Variants in KCNMA1 observed in about 807,000 individuals in gnomAD.
KCNMA1 encodes the protein potassium calcium-activated channel subfamily M alpha 1, also known as Calcium-activated potassium channel subunit alpha-1.
In KCNMA1, 29 loss-of-function variants were observed where a neutral mutation model predicts 140.0. That is an observed-to-expected ratio of 0.21 (90% CI 0.15 to 0.28). The LOEUF (loss-of-function observed/expected upper bound fraction) is 0.28, where lower values mean the gene tolerates loss of function less well. Among genes scored for constraint, KCNMA1 ranks in the 10% least tolerant of loss-of-function variants. KCNMA1 has a pLI of 1.00. For missense variants in KCNMA1, 880 were observed against 1,602.2 expected (o/e 0.55, Z 7.70); for synonymous variants, 612 against 611.9 (o/e 1.00, Z 0.00).
At position 76,900,697 on chromosome 10, in the gene KCNMA1, T is replaced by C. The variant is rs80008642; in HGVS notation, c.3148-8978A>G. ...TCACTATATAAAATATGTATTTACA[T>C]CATTATATACAGATTAAAAACTGAT... On this transcript the variant is annotated intron_variant, in intron 25 of 27. Transcript: ENST00000286628. Among the ~76,000 whole-genome samples, 1,287 of 152,172 alleles carry C rather than the reference T, an allele frequency of 8.5e-3. 26 individuals carry two copies. Among genetic ancestry groups the C allele is most frequent in the African/African-American group, 0.03 (1,240 of 41,528 alleles).
chr10:77,404,150 AG>A, intron 1 of KCNMA1, 127 bp from the exon 2 acceptor site: 1 of 808,210 alleles, frequency 1.2e-6, no homozygotes, highest in South Asian at 1.5e-5. Flanking sequence ...AAGGTATAGG[AG>A]TAAAGCAGAA....
At chr10:77,041,752 G>T (rs1594554619) in intron 14 of KCNMA1, among the ~76,000 whole-genome samples, 2 of 152,180 alleles carry the variant, frequency 1.3e-5, no homozygotes, top group South Asian at 4.1e-4. Flanking sequence ...TTCCAGTGGG[G>T]GCATGGGTAA....
downstream of KCNMA1, among the ~76,000 whole-genome samples, chr10:76,881,073 A>C (rs565391949): frequency 6.6e-6 from 1 of 150,436 alleles, no homozygotes; most frequent in Admixed American, 6.6e-5. Flanking sequence ...ACAAGATAAA[A>C]CTCTGGAAAA....
chr10:77,536,102 G>A lies in KCNMA1; in HGVS notation c.378+101163C>T, dbSNP rs761678425. 6.7e-4 allele frequency among the ~76,000 whole-genome samples: 102 copies of A among 152,234 alleles called. 1 individual carries two copies. Among genetic ancestry groups the A allele is most frequent in the Admixed American group, 5.2e-3 (80 of 15,288 alleles). ...GAGGTGATGGTATCCCAGGTGCCCAGAGTTGATCATTACACATTGTGTGCT... is the reference window on the plus strand; with the variant it reads ...GAGGTGATGGTATCCCAGGTGCCCAAAGTTGATCATTACACATTGTGTGCT... On this transcript the variant is annotated intron_variant, in intron 1 of 27. Transcript: ENST00000286628.
At chr10:76,970,888 A>G (rs1328063469) in intron 19 of KCNMA1, 1 of 152,512 alleles carries the variant, frequency 6.6e-6, no homozygotes, top group Non-Finnish European at 1.5e-5. Flanking sequence ...CCAAATGTCT[A>G]AACCACACAG....
At chr10:76,941,382 A>G (rs2062337796) in intron 23 of KCNMA1, among the ~76,000 whole-genome samples, 1 of 152,178 alleles carries the variant, frequency 6.6e-6, no homozygotes, top group Non-Finnish European at 1.5e-5. Context: ...AAGCAGGGAA[A>G]CTCAGCTCAC....
chr10:77,348,585 C>T (rs1262122748), intron 2 of KCNMA1, among the ~76,000 whole-genome samples: 1 of 152,214 alleles, frequency 6.6e-6, no homozygotes, highest in Non-Finnish European at 1.5e-5. Context: ...ACAACTGTGA[C>T]ATTAGCTTGG....
Position 77,637,653 on chromosome 10 carries a change from G to C in KCNMA1, c.-11C>G, listed in dbSNP as rs981870645. On this transcript the variant is annotated 5_prime_UTR_variant, in exon 1 of 28. Coordinates refer to ENST00000286628, the MANE Select transcript of KCNMA1 (RefSeq NM_001161352.2). ...GCCACCATTTGCCATAGCTAGCAAC[G>C]GGCAGCCGGCGCAGGGGCTCGGGGG... The C allele has an allele frequency of 1.9e-5, 29 of 1,501,640 alleles. No homozygotes were observed. The highest frequency in any genetic ancestry group is 5.0e-5 in the East Asian group (2 of 40,010). 93.0% of individuals were successfully genotyped at this position (1,501,640 alleles called of 1,614,324 possible). A position where few individuals can be genotyped will look rare whatever the true frequency, so the allele number is the denominator to read the frequency against.
intron 1 of KCNMA1, among the ~76,000 whole-genome samples, chr10:77,564,644 A>C (rs1389834006): frequency 2.6e-5 from 4 of 152,184 alleles, no homozygotes; most frequent in African/African-American, 7.2e-5. Flanking sequence ...TCCCAAGACC[A>C]AGCGCTCTTT....
chr10:77,283,046 C>T (rs922630568), intron 2 of KCNMA1, among the ~76,000 whole-genome samples: 2 of 152,322 alleles, frequency 1.3e-5, no homozygotes, highest in African/African-American at 4.8e-5. Flanking sequence ...GTGGTGCCAA[C>T]ATAAGCTTTG....
intron 2 of KCNMA1, among the ~76,000 whole-genome samples, chr10:77,390,032 C>T (rs1275468302): frequency 1.3e-5 from 2 of 152,200 alleles, no homozygotes; most frequent in African/African-American, 4.8e-5. Flanking sequence ...GTGCCTAGCA[C>T]AGGGCCAAGG....
chr10:76,887,996 T>C (rs1156770908), intron 27 of KCNMA1: 2 of 175,166 alleles, frequency 1.1e-5, no homozygotes, highest in African/African-American at 4.8e-5. Flanking sequence ...ATTTGGAATT[T>C]GGAATTCACC....
intron 1 of KCNMA1, among the ~76,000 whole-genome samples, chr10:77,496,522 G>T (rs35727882): frequency 2.7e-5 from 4 of 150,350 alleles, no homozygotes; most frequent in Admixed American, 6.6e-5. Flanking sequence ...GCGTGAACCC[G>T]GGAGGCAAAG....
intron 1 of KCNMA1, among the ~76,000 whole-genome samples, chr10:77,500,303 A>G (rs1010473539): frequency 6.6e-6 from 1 of 151,774 alleles, no homozygotes; most frequent in Admixed American, 6.6e-5. Flanking sequence ...TATAAGAAAT[A>G]TACCCTAAAC....
intron 14 of KCNMA1, among the ~76,000 whole-genome samples, chr10:77,071,000 T>C (rs544766407): frequency 6.6e-6 from 1 of 152,304 alleles, no homozygotes; most frequent in African/African-American, 2.4e-5. Context: ...CAGGCGGGAA[T>C]TGGCCTTATA....
At chr10:77,345,983 A>G (rs1406839638) in intron 2 of KCNMA1, among the ~76,000 whole-genome samples, 1 of 152,220 alleles carries the variant, frequency 6.6e-6, no homozygotes, top group African/African-American at 2.4e-5. Flanking sequence ...ACACATTCAT[A>G]TACTGACTGA....
intron 14 of KCNMA1, among the ~76,000 whole-genome samples, chr10:77,051,685 C>A (rs765124885): frequency 1.3e-5 from 2 of 152,138 alleles, no homozygotes; most frequent in Non-Finnish European, 2.9e-5. Context: ...CTGAGTACAG[C>A]AGGGAAGTGC....
intron 1 of KCNMA1, among the ~76,000 whole-genome samples, chr10:77,467,049 C>A (rs1416850479): frequency 6.6e-6 from 1 of 152,194 alleles, no homozygotes; most frequent in South Asian, 2.1e-4. Context: ...AACGCAGAGC[C>A]TAGCCTGTGA....
chr10:77,542,958 G>A (rs1302813179), intron 1 of KCNMA1, among the ~76,000 whole-genome samples: 2 of 152,156 alleles, frequency 1.3e-5, no homozygotes, highest in Non-Finnish European at 2.9e-5. Context: ...GAAACAGATT[G>A]AGAACTATTA....
Sources: allele counts gnomAD v4.1 joint callset (sites outside exome capture counted in the v4.1 genomes callset), GRCh38; gene constraint gnomAD v4.1.1; transcripts MANE v1.5; gene names NCBI Gene and HGNC (gene_info 2026-07-23, HGNC 2026-07-21).